SPOCK3: variants seen among roughly 807,000 people sequenced by gnomAD.
The protein encoded by SPOCK3 is testican-3.
SPOCK3 carries 30 observed loss-of-function variants against 56.6 expected under a neutral mutation model. The ratio of observed to expected loss-of-function variants is 0.53; its 90% CI spans 0.40 to 0.72. The LOEUF (loss-of-function observed/expected upper bound fraction) is 0.72. Among genes scored for constraint, SPOCK3 ranks in the 30% least tolerant of loss-of-function variants. The pLI is 0.00. For synonymous variants in SPOCK3, 196 were observed against 183.3 expected (o/e 1.07, Z -0.56); for missense variants, 527 against 530.0 (o/e 0.99, Z 0.06).
chr4:166,929,783 A>T (rs546737786), intron 4 of SPOCK3, among the ~76,000 whole-genome samples: 108 of 152,278 alleles, frequency 7.1e-4, no homozygotes, highest in Non-Finnish European at 1.4e-3. Context: ...GCCTTTCCCC[A>T]CACCCTACTT....
intron 2 of SPOCK3, among the ~76,000 whole-genome samples, chr4:167,143,833 T>C (rs1763721942): frequency 6.6e-6 from 1 of 151,950 alleles, no homozygotes; most frequent in Non-Finnish European, 1.5e-5. Context: ...ATATGTAAAA[T>C]TCTATTAATG....
chr4:166,859,117 C>T (rs1336617538), intron 6 of SPOCK3, among the ~76,000 whole-genome samples: 1 of 152,070 alleles, frequency 6.6e-6, no homozygotes, highest in Admixed American at 6.5e-5. Context: ...GTGCAGTTAC[C>T]ATGCTGTACA....
intron 6 of SPOCK3, among the ~76,000 whole-genome samples, chr4:166,874,968 TAAAC>T (rs1245747158): frequency 6.6e-6 from 1 of 152,142 alleles, no homozygotes; most frequent in African/African-American, 2.4e-5. Flanking sequence ...ATTTTTGTCT[TAAAC>T]AAATAACTGT....
chr4:167,187,412 T>C (rs1003487820), intron 2 of SPOCK3, among the ~76,000 whole-genome samples: 1 of 152,018 alleles, frequency 6.6e-6, no homozygotes, highest in Non-Finnish European at 1.5e-5. Context: ...CTACCCTAAT[T>C]ATGAACCCAA....
chr4:166,802,393 TG>T (rs1189695720), intron 6 of SPOCK3, among the ~76,000 whole-genome samples: 5 of 152,190 alleles, frequency 3.3e-5, no homozygotes, highest in Admixed American at 2.6e-4. Flanking sequence ...CCGTTTTGGC[TG>T]AGTGGCTTAT....
chr4:166,864,200 T>G (rs1028640539), intron 6 of SPOCK3, among the ~76,000 whole-genome samples: 1 of 151,982 alleles, frequency 6.6e-6, no homozygotes, highest in Non-Finnish European at 1.5e-5. Flanking sequence ...ATAACAAAAT[T>G]AAGGCAGAAA....
At chr4:167,233,832 T>C (rs775785315) in intron 2 of SPOCK3, among the ~76,000 whole-genome samples, 153 bp downstream of exon 2, 5 of 152,064 alleles carry the variant, frequency 3.3e-5, no homozygotes, top group Non-Finnish European at 5.9e-5. Context: ...GCAGCGGAAC[T>C]GTGAACTTCT....
At chr4:167,097,226 T>C (rs2150318556) in intron 2 of SPOCK3, among the ~76,000 whole-genome samples, 1 of 152,052 alleles carries the variant, frequency 6.6e-6, no homozygotes, top group Admixed American at 6.6e-5. Context: ...CTGCTTTCTA[T>C]TTGTTCATGT....
At chr4:167,107,271 G>A (rs748717062) in intron 2 of SPOCK3, among the ~76,000 whole-genome samples, 23 of 151,772 alleles carry the variant, frequency 1.5e-4, no homozygotes, top group Non-Finnish European at 2.9e-4. Flanking sequence ...TTAGCAAGCC[G>A]AATTCAACAA....
intron 7 of SPOCK3, among the ~76,000 whole-genome samples, chr4:166,783,802 T>G (rs1206779159): frequency 6.6e-6 from 1 of 152,168 alleles, no homozygotes; most frequent in Admixed American, 6.5e-5. Context: ...AAGACACCTA[T>G]TTTGCAAACA....
intron 8 of SPOCK3, among the ~76,000 whole-genome samples, chr4:166,747,697 C>T (rs1277603781): frequency 6.6e-6 from 1 of 152,050 alleles, no homozygotes; most frequent in African/African-American, 2.4e-5. Flanking sequence ...GTCAAATTGT[C>T]CCTGTTTGCA....
In SPOCK3 at chr4:166,951,558, G is replaced by T. The variant is rs561678715; in HGVS notation, c.351-38815C>A. On this transcript the variant is annotated intron_variant, in intron 4 of 10. Transcript: ENST00000357545. ...AACTATTCCAATCAATAGAAAAAGA[G>T]GGAATCCTCCCTAACTCATTTTATG... Among the ~76,000 whole-genome samples, 4 of 138,716 alleles carry T rather than the reference G, an allele frequency of 2.9e-5. No homozygotes were observed. In the East Asian group the frequency reaches 8.0e-4, roughly 28 times the overall value. 91.0% of individuals were successfully genotyped at this position (138,716 alleles called of 152,430 possible). A position where few individuals can be genotyped will look rare whatever the true frequency, so the allele number is the denominator to read the frequency against.
At chr4:167,116,806 C>T (rs1761442300) in intron 2 of SPOCK3, among the ~76,000 whole-genome samples, 1 of 133,512 alleles carries the variant, frequency 7.5e-6, no homozygotes, top group African/African-American at 2.7e-5. Flanking sequence ...CACATAAATA[C>T]ACATATAGAT....
chr4:167,045,345 G>A (rs188131307), intron 3 of SPOCK3, among the ~76,000 whole-genome samples: 37 of 152,036 alleles, frequency 2.4e-4, no homozygotes, highest in South Asian at 4.1e-4. Flanking sequence ...CACTATGAGC[G>A]TTTCTGTCTT....
At chr4:166,929,881 G>C (rs1228128244) in intron 4 of SPOCK3, among the ~76,000 whole-genome samples, 1 of 152,004 alleles carries the variant, frequency 6.6e-6, no homozygotes, top group African/African-American at 2.4e-5. Flanking sequence ...TTGATTATAT[G>C]TATAATGTTT....
chr4:166,768,861 T>C (rs933297182), intron 7 of SPOCK3, among the ~76,000 whole-genome samples: 2 of 152,196 alleles, frequency 1.3e-5, no homozygotes, highest in Non-Finnish European at 2.9e-5. Context: ...CATAGTCCCA[T>C]ATTTGTTGGA....
intron 2 of SPOCK3, among the ~76,000 whole-genome samples, chr4:167,185,666 C>T (rs1288112340): frequency 6.6e-6 from 1 of 151,644 alleles, no homozygotes; most frequent in Non-Finnish European, 1.5e-5. Flanking sequence ...TGACAAGAAA[C>T]ATGAAAAACC....
At chr4:167,102,738 G>T (rs1271287527) in intron 2 of SPOCK3, among the ~76,000 whole-genome samples, 3 of 151,926 alleles carry the variant, frequency 2.0e-5, no homozygotes, top group African/African-American at 7.2e-5. Context: ...CCCAGCGGTT[G>T]AAACGTGGGT....
chr4:167,157,751 TA>T (rs1764941085), intron 2 of SPOCK3, among the ~76,000 whole-genome samples: 3 of 151,664 alleles, frequency 2.0e-5, no homozygotes, highest in African/African-American at 7.3e-5. Context: ...TATTATTGTT[TA>T]AACACACACA....
Sources: gnomAD v4.1 joint callset for allele counts (sites outside exome capture counted in the v4.1 genomes callset) on GRCh38, gnomAD v4.1.1 for gene constraint, MANE v1.5 for transcripts, NCBI Gene and HGNC (gene_info 2026-07-23, HGNC 2026-07-21) for gene names.